Variants in NCOA2 observed in about 807,000 individuals in gnomAD.
NCOA2 encodes nuclear receptor coactivator 2, also known as class E basic helix-loop-helix protein 75.
Under a neutral mutation model 145.1 loss-of-function variants are expected in NCOA2, and 21 were observed. The observed-to-expected ratio is 0.14, with a 90% CI of 0.10 to 0.21. The LOEUF (loss-of-function observed/expected upper bound fraction) is 0.21. Among genes scored for constraint, NCOA2 ranks in the 10% least tolerant of loss-of-function variants. The pLI is 1.00. For missense variants in NCOA2, 1,472 were observed against 1,837.6 expected, an observed-to-expected ratio of 0.80 and a Z score of 3.64; for synonymous variants, 619 against 637.5, an observed-to-expected ratio of 0.97 and a Z score of 0.44.
intron 2 of NCOA2, among the ~76,000 whole-genome samples, chr8:70,219,965 A>AAAT: frequency 6.6e-6 from 1 of 152,324 alleles, no homozygotes; most frequent in African/African-American, 2.4e-5. Flanking sequence ...AGAGAGAGAT[A>AAAT]GATAAGTTAT....
Position 70,317,543 on chromosome 8 carries a change from A to C in NCOA2, c.-76-20743T>G, listed in dbSNP as rs545793211. ...TAATTTCTAAAGAACTAAGTACTCC[A>C]CCTTCTGGATAAACCTGTCTTTTAT... On this transcript the variant is annotated intron_variant, in intron 1 of 22. Transcript: ENST00000452400. 2.2e-4 allele frequency among the ~76,000 whole-genome samples: 33 copies of C among 152,332 alleles called. 1 individual carries two copies. The highest frequency in any genetic ancestry group is 2.9e-4 in the African/African-American group (12 of 41,582).
chr8:70,161,748 A>G (rs1181328383), intron 9 of NCOA2, among the ~76,000 whole-genome samples: 1 of 152,210 alleles, frequency 6.6e-6, no homozygotes, highest in Non-Finnish European at 1.5e-5. Flanking sequence ...TACAAGCTGC[A>G]CTGCACTGCA....
intron 2 of NCOA2, among the ~76,000 whole-genome samples, chr8:70,263,086 C>G (rs1824269327): frequency 6.6e-6 from 1 of 150,568 alleles, no homozygotes; most frequent in Non-Finnish European, 1.5e-5. Flanking sequence ...TTCAGAGTAT[C>G]CAAATTGCCA....
chr8:70,317,332 G>A (rs1805672174), intron 1 of NCOA2, among the ~76,000 whole-genome samples: 1 of 152,144 alleles, frequency 6.6e-6, no homozygotes, highest in Non-Finnish European at 1.5e-5. Flanking sequence ...AACCAGACAT[G>A]AAAAAATAAG....
At chr8:70,157,619 G>GC (rs1812433938) in intron 10 of NCOA2, among the ~76,000 whole-genome samples, 1 of 152,018 alleles carries the variant, frequency 6.6e-6, no homozygotes, top group Non-Finnish European at 1.5e-5. Context: ...GCTGTCTTCA[G>GC]TTTTTTTTCC....
At chr8:70,221,264 T>C (rs1038897451) in intron 2 of NCOA2, among the ~76,000 whole-genome samples, 28 of 152,212 alleles carry the variant, frequency 1.8e-4, no homozygotes, top group African/African-American at 6.5e-4. Context: ...CCATTTCTAT[T>C]TAACTAAACT....
intron 4 of NCOA2, among the ~76,000 whole-genome samples, chr8:70,204,435 TA>T (rs954734451): frequency 8.5e-5 from 13 of 152,344 alleles, no homozygotes; most frequent in African/African-American, 3.1e-4. Context: ...ACTTGTTTTA[TA>T]AAGATGTTAA....
intron 2 of NCOA2, among the ~76,000 whole-genome samples, chr8:70,258,500 T>C (rs1303654310): frequency 1.3e-5 from 2 of 152,228 alleles, no homozygotes; most frequent in Non-Finnish European, 2.9e-5. Context: ...ATAGGAAATC[T>C]GTATCTGCTA....
intron 4 of NCOA2, among the ~76,000 whole-genome samples, chr8:70,204,887 A>T (rs1818272325): frequency 6.6e-6 from 1 of 152,148 alleles, no homozygotes; most frequent in African/African-American, 2.4e-5. Context: ...GCACACCTAT[A>T]ATCCCAGCTA....
In NCOA2 at chr8:70,213,906, G is replaced by C; in HGVS notation, c.256C>G (p.Gln86Glu). Residue 86 changes from glutamine to glutamate, a missense_variant, in exon 4 of 23, where the codon CAA (glutamine) becomes GAA (glutamate). Around this residue, in one of 4 missense-constraint regions of NCOA2, gnomAD observed 284 missense variants for 467.8 expected, o/e 0.61. Transcript: ENST00000452400. ...TVKQIRQIKE[Q>E]EKAAAANIDE... is the part of the protein sequence containing the mutation. Reference sequence around the variant, plus strand: ...AATACTAATTCAGTCCTCTTACCTTGTTCTTTGATCTGACGAATTTGCTTC... The same window carrying C: ...AATACTAATTCAGTCCTCTTACCTTCTTCTTTGATCTGACGAATTTGCTTC... The C allele has an allele frequency of 1.3e-6, 2 of 1,585,324 alleles. No individual in the cohort carries two copies. Among genetic ancestry groups the C allele is most frequent in the East Asian group, 2.3e-5 (1 of 44,408 alleles).
chr8:70,170,182 G>C lies in NCOA2; in HGVS notation c.541+20C>G, dbSNP rs1393706473. ...GTGGGGGTGACGGGAGGTAGGGAGG[G>C]AGACCCAGCAGACATTTACCTATAG... is the stretch of plus-strand genomic sequence containing the variant. On this transcript the variant is annotated intron_variant, in intron 6 of 22. Coordinates refer to ENST00000452400, the MANE Select transcript of NCOA2 (RefSeq NM_006540.4). The C allele has an allele frequency of 1.2e-6, 2 of 1,610,320 alleles. No homozygotes were observed. Among genetic ancestry groups the C allele is most frequent in the Non-Finnish European group, 1.7e-6 (2 of 1,178,286 alleles).
intron 1 of NCOA2, among the ~76,000 whole-genome samples, chr8:70,326,762 G>C (rs909699044): frequency 2.6e-5 from 4 of 152,146 alleles, no homozygotes; most frequent in Non-Finnish European, 5.9e-5. Flanking sequence ...TGATCATCCA[G>C]ATGCATAAAG....
intron 4 of NCOA2, among the ~76,000 whole-genome samples, chr8:70,198,247 G>A (rs1382374070): frequency 6.6e-6 from 1 of 152,128 alleles, no homozygotes; most frequent in African/African-American, 2.4e-5. Context: ...TGTTGTTGTT[G>A]TTTTCAGTTT....
At position 70,157,206 on chromosome 8, in the gene NCOA2, T is replaced by A. The variant is rs1161946227; in HGVS notation, c.1159A>T (p.Thr387Ser). ...AGTGGCTTCCCCATCGTTTGTCCAGTCAGATCCGGATTCATCACACACACA... is the reference window on the plus strand; with the variant it reads ...AGTGGCTTCCCCATCGTTTGTCCAGACAGATCCGGATTCATCACACACACA... The part of the protein sequence containing the change: ...QNVCVMNPDL[T>S]GQTMGKPLNP... The change falls in exon 11 of 23, where the codon ACT (threonine) becomes TCT (serine). Residue 387 changes from threonine to serine, a missense_variant. Thr to Ser is a moderately conservative substitution (Grantham distance 58, BLOSUM62 1). Around this residue, in one of 4 missense-constraint regions of NCOA2, gnomAD observed 953 missense variants for 1,062.1 expected, o/e 0.90. Transcript: ENST00000452400. 6.3e-7 allele frequency: 1 copy of A among 1,580,996 alleles called. No individual in the cohort carries two copies. The highest frequency in any genetic ancestry group is 2.2e-5 in the East Asian group (1 of 44,450).
chr8:70,292,061 C>T (rs1269498387), intron 2 of NCOA2, among the ~76,000 whole-genome samples: 3 of 137,060 alleles, frequency 2.2e-5, no homozygotes, highest in Non-Finnish European at 4.7e-5. Context: ...GGCAACAGAG[C>T]GAGACGCCGT....
chr8:70,297,515 T>C (rs933819372), intron 1 of NCOA2, among the ~76,000 whole-genome samples: 1 of 152,092 alleles, frequency 6.6e-6, no homozygotes, highest in Non-Finnish European at 1.5e-5. Flanking sequence ...TTATTTTTTG[T>C]AGTGGTAGGG....
intron 2 of NCOA2, among the ~76,000 whole-genome samples, chr8:70,282,151 T>G (rs1443876492): frequency 6.6e-6 from 1 of 152,206 alleles, no homozygotes; most frequent in Non-Finnish European, 1.5e-5. Context: ...AGATTCAATT[T>G]AACAGCAATG....
chr8:70,364,267 A>C (rs534017489), intron 1 of NCOA2, among the ~76,000 whole-genome samples: 31 of 152,292 alleles, frequency 2.0e-4, no homozygotes, highest in African/African-American at 7.2e-4. Flanking sequence ...AGGAAATGTC[A>C]TATCTGAAAG....
intron 2 of NCOA2, among the ~76,000 whole-genome samples, chr8:70,234,440 AC>A (rs1323484801): frequency 6.6e-6 from 1 of 152,192 alleles, no homozygotes; most frequent in Non-Finnish European, 1.5e-5. Flanking sequence ...ATGCGAAACT[AC>A]TTCCCAAACT....
Sources: allele counts gnomAD v4.1 joint callset (sites outside exome capture counted in the v4.1 genomes callset), GRCh38; gene constraint gnomAD v4.1.1; regional missense constraint gnomAD v4.1.1; transcripts MANE v1.5; gene names NCBI Gene and HGNC (gene_info 2026-07-23, HGNC 2026-07-21).